The following SAMD5 variants were observed in gnomAD, a reference collection of about 807,000 sequenced individuals.
SAMD5 encodes the protein sterile alpha motif domain containing 5, also known as sterile alpha motif domain-containing protein 5.
A neutral mutation model predicts 11.3 loss-of-function variants in SAMD5; 13 were observed. The ratio of observed to expected loss-of-function variants is 1.15; its 90% CI spans 0.75 to 1.83. SAMD5 has a LOEUF of 1.83. Ranked by LOEUF, SAMD5 falls within the 40% of genes most tolerant of loss-of-function variation. The pLI is 0.00. For synonymous variants in SAMD5, 129 were observed against 111.3 expected, an observed-to-expected ratio of 1.16 and a Z score of -1.00; for missense variants, 255 against 239.1, an observed-to-expected ratio of 1.07 and a Z score of -0.44.
At chr6:147,835,924 C>T in the SAMD5 span, among the ~76,000 whole-genome samples, 1 of 152,178 alleles carries the variant, frequency 6.6e-6, no homozygotes, top group South Asian at 2.1e-4. Context: ...CCCCTCATTC[C>T]TAAAGTTAAC....
At chr6:147,604,835 G>A (rs909396321) in intron 1 of SAMD5, among the ~76,000 whole-genome samples, 2 of 152,000 alleles carry the variant, frequency 1.3e-5, no homozygotes, top group African/African-American at 2.4e-5. Context: ...AAAACTCCAG[G>A]GTATACCTTA....
chr6:147,666,456 T>G (rs1790722460), intron 1 of SAMD5, among the ~76,000 whole-genome samples: 1 of 152,172 alleles, frequency 6.6e-6, no homozygotes, highest in Non-Finnish European at 1.5e-5. Context: ...TCTGCTTTTG[T>G]GCTGGCTGCT....
intron 1 of SAMD5, among the ~76,000 whole-genome samples, chr6:147,697,941 T>C (rs1429949540): frequency 6.6e-6 from 1 of 152,220 alleles, no homozygotes; most frequent in African/African-American, 2.4e-5. Context: ...ACCAGTTTCA[T>C]GGAAGACAGT....
At chr6:147,512,023 C>T (rs1041478183) in intron 1 of SAMD5, among the ~76,000 whole-genome samples, 2 of 152,040 alleles carry the variant, frequency 1.3e-5, no homozygotes, top group African/African-American at 4.8e-5. Context: ...TGCCAGATCT[C>T]GGCTCACTGC....
At chr6:147,920,573 C>T in the SAMD5 span, among the ~76,000 whole-genome samples, 4 of 152,210 alleles carry the variant, frequency 2.6e-5, no homozygotes, top group African/African-American at 9.6e-5. Flanking sequence ...TATTCTGTCT[C>T]TCTACAGAAC....
At chr6:147,948,279 A>AG in the SAMD5 span, among the ~76,000 whole-genome samples, 1 of 50,010 alleles carries the variant, frequency 2.0e-5, no homozygotes, top group Non-Finnish European at 4.2e-5. Context: ...GCAAGGAGAG[A>AG]AAAAAAAAAA....
At chr6:147,853,272 A>G in the SAMD5 span, among the ~76,000 whole-genome samples, 1 of 152,160 alleles carries the variant, frequency 6.6e-6, no homozygotes, top group Non-Finnish European at 1.5e-5. Context: ...GAACTCTAAG[A>G]AAAGATGGCT....
At chr6:147,690,219 TA>T (rs1396553165) in intron 1 of SAMD5, among the ~76,000 whole-genome samples, 2 of 152,234 alleles carry the variant, frequency 1.3e-5, no homozygotes, top group Non-Finnish European at 2.9e-5. Context: ...TACAAACCAG[TA>T]ACTATATTAT....
chr6:147,941,476 C>T, the SAMD5 span, among the ~76,000 whole-genome samples: 3 of 152,212 alleles, frequency 2.0e-5, no homozygotes, highest in Non-Finnish European at 4.4e-5. Flanking sequence ...GGTTTAACAT[C>T]ATGGAGGCTT....
At chr6:147,670,049 A>G (rs1028614814) in intron 1 of SAMD5, among the ~76,000 whole-genome samples, 16 of 152,212 alleles carry the variant, frequency 1.1e-4, no homozygotes, top group African/African-American at 3.9e-4. Context: ...TCCTTGATCC[A>G]TGGGCTGCAG....
chr6:147,533,249 A>G (rs1788456640), intron 1 of SAMD5, among the ~76,000 whole-genome samples: 1 of 152,050 alleles, frequency 6.6e-6, no homozygotes, highest in Middle Eastern at 3.4e-3. Flanking sequence ...AATTAGGTAA[A>G]GGGCCTGAGG....
At chr6:147,864,966 A>C in the SAMD5 span, among the ~76,000 whole-genome samples, 1 of 152,222 alleles carries the variant, frequency 6.6e-6, no homozygotes, top group Non-Finnish European at 1.5e-5. Context: ...TGAAACCTGC[A>C]AGATTTGCAA....
chr6:147,745,788 T>C, the SAMD5 span, among the ~76,000 whole-genome samples: 1 of 148,116 alleles, frequency 6.8e-6, no homozygotes, highest in Non-Finnish European at 1.5e-5. Flanking sequence ...TTTTTTTTTT[T>C]TTTTTTTTGA....
At chr6:147,873,860 A>G in the SAMD5 span, among the ~76,000 whole-genome samples, 1 of 152,192 alleles carries the variant, frequency 6.6e-6, no homozygotes, top group Non-Finnish European at 1.5e-5. Flanking sequence ...TGTCCTATAT[A>G]CCTTCTGGAA....
At chr6:147,610,100 A>G (rs896537214) in intron 1 of SAMD5, among the ~76,000 whole-genome samples, 5 of 152,188 alleles carry the variant, frequency 3.3e-5, no homozygotes, top group African/African-American at 1.2e-4. Context: ...TTTCTCACTT[A>G]TGAGATACTT....
intron 1 of SAMD5, among the ~76,000 whole-genome samples, chr6:147,540,568 C>A (rs1429065465): frequency 7.2e-5 from 11 of 152,150 alleles, no homozygotes; most frequent in Admixed American, 5.9e-4. Context: ...AACTGACCAG[C>A]CTGCTGCAAG....
At chr6:147,593,473 C>T (rs1471380389) in intron 1 of SAMD5, among the ~76,000 whole-genome samples, 1 of 152,090 alleles carries the variant, frequency 6.6e-6, no homozygotes, top group Non-Finnish European at 1.5e-5. Flanking sequence ...TATAGAAGTG[C>T]CATAAAATGT....
chr6:147,658,111 C>G (rs1264682423), intron 1 of SAMD5, among the ~76,000 whole-genome samples: 1 of 152,158 alleles, frequency 6.6e-6, no homozygotes, highest in Non-Finnish European at 1.5e-5. Context: ...TCACTTTGTT[C>G]AAAGGAATAG....
At chr6:147,613,539 C>A (rs542910697) in intron 1 of SAMD5, among the ~76,000 whole-genome samples, 1 of 151,676 alleles carries the variant, frequency 6.6e-6, no homozygotes, top group African/African-American at 2.4e-5. Flanking sequence ...GACCACCAGG[C>A]CCGCTGCCTG....
Sources: gnomAD v4.1 joint callset for allele counts (sites outside exome capture counted in the v4.1 genomes callset) on GRCh38, gnomAD v4.1.1 for gene constraint, MANE v1.5 for transcripts, NCBI Gene and HGNC (gene_info 2026-07-23, HGNC 2026-07-21) for gene names.